INSYN2A: variants seen among roughly 807,000 people sequenced by gnomAD.
INSYN2A encodes the protein inhibitory synaptic factor 2A, also known as family with sequence similarity 196 member A.
In INSYN2A, 17 loss-of-function variants were observed where a neutral mutation model predicts 39.4. That is an observed-to-expected ratio of 0.43 (90% confidence interval 0.30 to 0.65). INSYN2A has a LOEUF of 0.65. Among genes scored for constraint, INSYN2A ranks in the 30% least tolerant of loss-of-function variants. The pLI is 0.14. For synonymous variants in INSYN2A, 255 were observed against 265.7 expected, an observed-to-expected ratio of 0.96 and a Z score of 0.39; for missense variants, 595 against 631.2, an observed-to-expected ratio of 0.94 and a Z score of 0.61.
Position 127,137,996 on chromosome 10 carries a change from T to G in INSYN2A, c.1281A>C (p.Gln427His). 1 of 1,611,094 alleles carries G rather than the reference T, an allele frequency of 6.2e-7. No homozygotes were observed. The highest frequency in any genetic ancestry group is 1.3e-5 in the African/African-American group (1 of 74,714). The stretch of plus-strand genomic sequence containing the variant: ...TTAGAACCGGCTGGAGTTTGTCTTC[T>G]TGCTGCTTAAAATCCAGCTCCACAC... ...IYSVELDFKQ[Q>H]EDKLQPVLRK... is the part of the protein sequence containing the mutation. The change falls in exon 6 of 6, where the codon CAA becomes CAC. Residue 427 changes from glutamine to histidine, a missense_variant. By Grantham distance (24) the Gln-to-His change is conservative. Transcript: ENST00000522781.
chr10:127,182,939 C>T (rs1219969057), intron 2 of INSYN2A, among the ~76,000 whole-genome samples: 4 of 151,994 alleles, frequency 2.6e-5, no homozygotes, highest in East Asian at 1.9e-4. Flanking sequence ...CCATCAGAGG[C>T]GGGAGTTGGC....
At chr10:127,138,461 G>C (rs972029083) in intron 5 of INSYN2A, among the ~76,000 whole-genome samples, 1 of 152,138 alleles carries the variant, frequency 6.6e-6, no homozygotes, top group South Asian at 2.1e-4. Flanking sequence ...CAAGATCAGA[G>C]AAATCTATTT....
chr10:127,172,557 T>C (rs1411682859), intron 4 of INSYN2A, among the ~76,000 whole-genome samples: 2 of 151,672 alleles, frequency 1.3e-5, no homozygotes, highest in Non-Finnish European at 2.9e-5. Flanking sequence ...TTAATGACCC[T>C]GGGGCATTGA....
intron 4 of INSYN2A, among the ~76,000 whole-genome samples, chr10:127,170,863 A>C (rs2054508117): frequency 6.6e-6 from 1 of 152,218 alleles, no homozygotes; most frequent in African/African-American, 2.4e-5. Flanking sequence ...AAGCAGGATA[A>C]TTCTTGGCAT....
chr10:127,175,280 G>A lies in INSYN2A; in HGVS notation c.1116C>T (p.Ser372=), dbSNP rs192681220. 5.0e-6 allele frequency: 8 copies of A among 1,614,102 alleles called. No individual in the cohort carries two copies. The East Asian group carries it at 1.6e-4, about 31-fold the overall frequency. ...CCAAGAGCACTTTGATGGTTTCTTG[G>A]CTTGAACTGATCAAGTTCTCCATCA... ...LQMMENLISS[S]QETIKVLLGV... The change falls in exon 4 of 6, where the codon AGC becomes AGT. Residue 372 remains serine, a synonymous_variant. Transcript: ENST00000522781. The surrounding 1 kb of genome is among the most constrained non-coding windows in gnomAD (Gnocchi z 6.3).
chr10:127,176,326 G>C lies in INSYN2A; in HGVS notation c.70C>G (p.Leu24Val). 1.2e-6 allele frequency: 2 copies of C among 1,614,016 alleles called. No homozygotes were observed. Among genetic ancestry groups the C allele is most frequent in the African/African-American group, 1.3e-5 (1 of 75,036 alleles). ...AGGGCGTATTTCATCTCCAGGGCCAGGCAGGCGGCGGGTTCCACTTCACTC... is the reference window on the plus strand; with the variant it reads ...AGGGCGTATTTCATCTCCAGGGCCACGCAGGCGGCGGGTTCCACTTCACTC... ...SESEVEPAAC[L>V]ALEMKYALDP... The change falls in exon 4 of 6, where the codon CTG becomes GTG. Residue 24 changes from leucine to valine, a missense_variant. Leu to Val is a conservative substitution (Grantham distance 32, BLOSUM62 1). Around this residue, in one of 2 missense-constraint regions of INSYN2A, gnomAD observed 478 missense variants for 467.4 expected, o/e 1.02. Transcript: ENST00000522781. This position sits in a 1 kb window ranked among gnomAD's most constrained non-coding sequence, Gnocchi z 4.4.
At chr10:127,191,451 G>T (rs2056751010) in intron 2 of INSYN2A, among the ~76,000 whole-genome samples, 1 of 151,974 alleles carries the variant, frequency 6.6e-6, no homozygotes, top group African/African-American at 2.4e-5. Context: ...AAAATCCCAG[G>T]TTTTATATCT....
chr10:127,187,311 G>C (rs1342414903), intron 2 of INSYN2A, among the ~76,000 whole-genome samples: 1 of 152,232 alleles, frequency 6.6e-6, no homozygotes, highest in African/African-American at 2.4e-5. Context: ...GCAAAAGCCT[G>C]TGTAGTTCAT....
intron 2 of INSYN2A, among the ~76,000 whole-genome samples, chr10:127,184,796 T>C (rs753060026): frequency 4.6e-5 from 7 of 152,170 alleles, no homozygotes; most frequent in Admixed American, 2.0e-4. Context: ...TCCTTCCTCA[T>C]GGATAGTCTG....
Position 127,173,750 on chromosome 10 carries a change from G to A in INSYN2A, c.1184+1462C>T, listed in dbSNP as rs573180225. 5.3e-5 allele frequency among the ~76,000 whole-genome samples: 8 copies of A among 152,232 alleles called. No individual in the cohort carries two copies. In the South Asian group the frequency reaches 1.5e-3, roughly 28 times the overall value. On this transcript the variant is annotated intron_variant, in intron 4 of 5. Coordinates refer to ENST00000522781, the MANE Select transcript of INSYN2A (RefSeq NM_001039762.3). Reference sequence around the variant, plus strand: ...AAATCACTGGTCTCCCCCACCCCACGCCTGATGAGTGTTGCTTTTGGATCT... The same window carrying A: ...AAATCACTGGTCTCCCCCACCCCACACCTGATGAGTGTTGCTTTTGGATCT...
intron 4 of INSYN2A, among the ~76,000 whole-genome samples, chr10:127,174,971 A>G (rs2054943749): frequency 6.6e-6 from 1 of 152,228 alleles, no homozygotes; most frequent in African/African-American, 2.4e-5. Context: ...AAGCATAGGT[A>G]TGGTTTGAAT....
In INSYN2A at chr10:127,140,671, C is replaced by A. The variant is rs550397550; in HGVS notation, c.1257-2651G>T. ...GGGTTGAGTTTGACACACCGAGTCT[C>A]TGGGTTGAGTCTGAAGCAGAAACCT... is the stretch of plus-strand genomic sequence containing the variant. On this transcript the variant is annotated intron_variant, in intron 5 of 5. Transcript: ENST00000522781. Among the ~76,000 whole-genome samples, 15 of 152,304 alleles carry A rather than the reference C, an allele frequency of 9.8e-5. No homozygotes were observed. The East Asian group carries it at 2.5e-3, about 26-fold the overall frequency.
intron 4 of INSYN2A, among the ~76,000 whole-genome samples, chr10:127,161,114 C>T (rs561452273): frequency 2.8e-4 from 43 of 152,316 alleles, no homozygotes; most frequent in African/African-American, 9.9e-4. Context: ...TAAGGTCTCA[C>T]CAGGAGTTTG....
At chr10:127,145,652 G>A (rs548479725) in intron 5 of INSYN2A, among the ~76,000 whole-genome samples, 27 of 152,270 alleles carry the variant, frequency 1.8e-4, no homozygotes, top group African/African-American at 5.1e-4. Flanking sequence ...ATGGGAGTGC[G>A]TCTGTCTAGA....
Position 127,185,136 on chromosome 10 carries a change from G to A in INSYN2A, c.-269+7469C>T, listed in dbSNP as rs546913565. Among the ~76,000 whole-genome samples the A allele has an allele frequency of 8.5e-5, 13 of 152,218 alleles. No individual in the cohort carries two copies. In the South Asian group the frequency reaches 1.5e-3, roughly 17 times the overall value. ...TGCTCACTTTGCTTTGCTTTGTGTC[G>A]GTTTTCTCTCCTTAACACAAATATA... On this transcript the variant is annotated intron_variant, in intron 2 of 5. Coordinates refer to ENST00000522781, the MANE Select transcript of INSYN2A (RefSeq NM_001039762.3).
intron 4 of INSYN2A, among the ~76,000 whole-genome samples, chr10:127,164,236 T>C (rs1482722601): frequency 7.9e-6 from 1 of 125,986 alleles, no homozygotes; most frequent in African/African-American, 3.0e-5. Context: ...CAGGCTGGAG[T>C]GCAGAGGTGC....
In INSYN2A at chr10:127,175,482, A is replaced by G; in HGVS notation, c.914T>C (p.Leu305Pro). 6.2e-7 allele frequency: 1 copy of G among 1,609,330 alleles called. No individual in the cohort carries two copies. The highest frequency in any genetic ancestry group is 8.5e-7 in the Non-Finnish European group (1 of 1,179,998). ...NGLQAPSETA[L>P]ACSPPMQCLS... Reference sequence around the variant, plus strand: ...GCACTGCATCGGGGGTGAGCAGGCCAGGGCAGTTTCCGAGGGCGCCTGGAG... The same window carrying G: ...GCACTGCATCGGGGGTGAGCAGGCCGGGGCAGTTTCCGAGGGCGCCTGGAG... Residue 305 changes from leucine (L) to proline (P), a missense_variant, in exon 4 of 6, where the codon CTG (leucine) becomes CCG (proline). Leu to Pro is a moderately conservative substitution (Grantham distance 98). Around this residue, in one of 2 missense-constraint regions of INSYN2A, gnomAD observed 478 missense variants for 467.4 expected, o/e 1.02. Transcript: ENST00000522781. The surrounding 1 kb of genome is among the most constrained non-coding windows in gnomAD (Gnocchi z 6.3).
intron 5 of INSYN2A, among the ~76,000 whole-genome samples, chr10:127,148,815 C>T (rs772082010): frequency 1.3e-5 from 2 of 152,128 alleles, no homozygotes; most frequent in African/African-American, 4.8e-5. Context: ...CTAAAGAAAA[C>T]GGAAACTGGA....
chr10:127,171,705 T>C (rs528687214), intron 4 of INSYN2A, among the ~76,000 whole-genome samples: 1 of 152,200 alleles, frequency 6.6e-6, no homozygotes, highest in Admixed American at 6.5e-5. Context: ...TTCCATTGAT[T>C]TTATTTTTAT....
Sources: gnomAD v4.1 joint callset for allele counts (sites outside exome capture counted in the v4.1 genomes callset) on GRCh38, gnomAD v4.1.1 for gene constraint, gnomAD v4.1.1 regional missense constraint, Gnocchi (gnomAD v3.1) non-coding constraint, MANE v1.5 for transcripts, NCBI Gene and HGNC (gene_info 2026-07-23, HGNC 2026-07-21) for gene names.